Variants in SPEG observed in about 807,000 individuals in gnomAD.
SPEG encodes striated muscle preferentially expressed protein kinase.
SPEG carries 114 observed loss-of-function variants against 300.4 expected under a neutral mutation model. That is an observed-to-expected ratio of 0.38 (90% CI 0.33 to 0.44). SPEG has a LOEUF of 0.44. SPEG is among the 20% of genes least tolerant of loss of function. The pLI is 1.00. For missense variants in SPEG, 4,201 were observed against 4,586.2 expected, an observed-to-expected ratio of 0.92 and a Z score of 2.43; for synonymous variants, 1,964 against 2,018.9, an observed-to-expected ratio of 0.97 and a Z score of 0.73.
intron 1 of SPEG, 32 bp downstream of exon 1, chr2:219,435,397 G>T: frequency 1.3e-6 from 2 of 1,514,410 alleles, no homozygotes; most frequent in East Asian, 5.1e-5. Flanking sequence ...CGCCCGGCAG[G>T]GGCGGGGTGC....
chr2:219,460,765 C>T (rs1690607237), intron 6 of SPEG: 3 of 985,874 alleles, frequency 3.0e-6, no homozygotes, highest in Non-Finnish European at 3.6e-6. Context: ...GGCCTGCCAT[C>T]CAACCTCCTC....
In SPEG at chr2:219,479,672, C is replaced by T. The variant is rs181889155; in HGVS notation, c.5086-111C>T. The stretch of plus-strand genomic sequence containing the variant: ...CCCAAACCTGTTTCAGCCCCTTCCA[C>T]GAGCCATCTGAAGGCTACTCCACAG... On this transcript the variant is annotated intron_variant, in intron 23 of 40. Transcript: ENST00000312358. The surrounding 1 kb of genome is among the most constrained non-coding windows in gnomAD (Gnocchi z 5.5). The T allele has an allele frequency of 5.4e-4, 509 of 946,542 alleles. 2 individuals are homozygous for T. The African/African-American group carries it at 6.8e-3, about 13-fold the overall frequency. The allele number at this position is 946,542 out of a possible 1,614,324, so 58.6% of individuals were successfully genotyped here.
intron 1 of SPEG, chr2:219,442,152 G>T (rs1033837098): frequency 3.7e-5 from 38 of 1,026,500 alleles, no homozygotes; most frequent in Middle Eastern, 7.7e-4. Flanking sequence ...AGGGAGGGCG[G>T]GTCACCGCAG....
At position 219,490,570 on chromosome 2, in the gene SPEG, C is replaced by T; in HGVS notation, c.9083C>T (p.Ala3028Val). The T allele has an allele frequency of 1.9e-6, 3 of 1,614,024 alleles. No individual in the cohort carries two copies. Among genetic ancestry groups the T allele is most frequent in the Non-Finnish European group, 2.5e-6 (3 of 1,179,992 alleles). Residue 3028 changes from alanine (A) to valine (V), a missense_variant, in exon 37 of 41, where the codon GCC (alanine) becomes GTC (valine). Ala to Val is a moderately conservative substitution (Grantham distance 64, BLOSUM62 0). This residue lies in a region of SPEG where 318 missense variants were observed against 429.5 expected (regional missense o/e 0.74). Coordinates refer to ENST00000312358, the MANE Select transcript of SPEG (RefSeq NM_005876.5). ...GAGCGGATCATGTCCCTGCACGAGGCCTACATCACCCCTCGGTACCTCGTG... is the reference window on the plus strand; with the variant it reads ...GAGCGGATCATGTCCCTGCACGAGGTCTACATCACCCCTCGGTACCTCGTG... ...HHERIMSLHE[A>V]YITPRYLVLI...
rs2125554007 is a variant in SPEG, at chr2:219,483,552, G to A, written c.6089G>A (p.Arg2030Gln). ...CGGGCCGGGCCGCGGGAGCTGGGCC[G>A]GGGCCTGCACAAGGCGGCGTCTGTG... ...LPRAGPRELGRGLHKAASVEL... is the reference protein window; with the variant it reads ...LPRAGPRELGQGLHKAASVEL... The change falls in exon 30 of 41, where the codon CGG becomes CAG. Residue 2030 changes from arginine (R) to glutamine (Q), a missense_variant. By Grantham distance (43) the Arg-to-Gln change is conservative. Around this residue, in one of 4 missense-constraint regions of SPEG, gnomAD observed 1,578 missense variants for 1,506.0 expected, o/e 1.05. Transcript: ENST00000312358. 2 of 1,421,428 alleles carry A rather than the reference G, an allele frequency of 1.4e-6. No individual in the cohort carries two copies. Among genetic ancestry groups the A allele is most frequent in the Non-Finnish European group, 9.1e-7 (1 of 1,100,958 alleles). 88.1% of individuals were successfully genotyped at this position (1,421,428 alleles called of 1,614,324 possible).
chr2:219,456,671 A>C (rs1344064424), intron 6 of SPEG, among the ~76,000 whole-genome samples: 1 of 152,194 alleles, frequency 6.6e-6, no homozygotes, highest in Non-Finnish European at 1.5e-5. Context: ...GCACTTTGGG[A>C]GGCCAAGCAG....
chr2:219,481,485 C>A lies in SPEG; in HGVS notation c.5522+29C>A. 5.0e-6 allele frequency: 8 copies of A among 1,612,512 alleles called. No homozygotes were observed. Among genetic ancestry groups the A allele is most frequent in the Non-Finnish European group, 6.8e-6 (8 of 1,178,870 alleles). On this transcript the variant is annotated intron_variant, in intron 27 of 40. Coordinates refer to ENST00000312358, the MANE Select transcript of SPEG (RefSeq NM_005876.5). The surrounding 1 kb of genome is among the most constrained non-coding windows in gnomAD (Gnocchi z 5.4). ...AGTACAAGGCCCTGGGAGCCCCCAC[C>A]TGCAGGGTCACCCTCATACCACCTG...
rs1239274565 is a variant in SPEG, at chr2:219,490,446, G to A, written c.8959G>A (p.Ala2987Thr). 1 of 1,612,958 alleles carries A rather than the reference G, an allele frequency of 6.2e-7. No homozygotes were observed. Among genetic ancestry groups the A allele is most frequent in the East Asian group, 2.2e-5 (1 of 44,888 alleles). Residue 2987 changes from alanine to threonine, a missense_variant, in exon 37 of 41, where the codon GCC (alanine) becomes ACC (threonine). Ala to Thr is a moderately conservative substitution (Grantham distance 58). This residue lies in a region of SPEG where 318 missense variants were observed against 429.5 expected (regional missense o/e 0.74). Coordinates refer to ENST00000312358, the MANE Select transcript of SPEG (RefSeq NM_005876.5). ...FGVVRACREN[A>T]TGRTFVAKIV... is the part of the protein sequence containing the mutation. ...TGTTGTGCGAGCGTGCCGGGAGAAT[G>A]CCACGGGGCGAACGTTCGTGGCCAA...
Position 219,480,835 on chromosome 2 carries a change from G to T in SPEG, c.5369+138G>T. Reference sequence around the variant, plus strand: ...CAAGGAGCCTCATGTGCATGAAGGTGGACACCCCTGTCTGCATGCCCACAC... The same window carrying T: ...CAAGGAGCCTCATGTGCATGAAGGTTGACACCCCTGTCTGCATGCCCACAC... On this transcript the variant is annotated intron_variant, in intron 26 of 40. Coordinates refer to ENST00000312358, the MANE Select transcript of SPEG (RefSeq NM_005876.5). The surrounding 1 kb of genome is among the most constrained non-coding windows in gnomAD (Gnocchi z 5.3). 1.2e-6 allele frequency: 1 copy of T among 819,374 alleles called. No homozygotes were observed. Among genetic ancestry groups the T allele is most frequent in the Non-Finnish European group, 2.0e-6 (1 of 487,852 alleles). 50.8% of individuals were successfully genotyped at this position (819,374 alleles called of 1,614,324 possible). A position where few individuals can be genotyped will look rare whatever the true frequency, so the allele number is the denominator to read the frequency against.
In SPEG at chr2:219,483,267, T is replaced by G; in HGVS notation, c.5804T>G (p.Val1935Gly). The change falls in exon 30 of 41, where the codon GTG becomes GGG. Residue 1935 changes from valine (V) to glycine (G), a missense_variant. Val to Gly is a moderately radical substitution (Grantham distance 109, BLOSUM62 -3). Transcript: ENST00000312358. ...EEEELEELPS[V>G]PRPLQPEFSG... ...GAAGAGCTGGAAGAGCTGCCCTCAGTGCCCCGCCCACTGCAGCCCGAGTTC... is the reference window on the plus strand; with the variant it reads ...GAAGAGCTGGAAGAGCTGCCCTCAGGGCCCCGCCCACTGCAGCCCGAGTTC... 1 of 1,609,172 alleles carries G rather than the reference T, an allele frequency of 6.2e-7. No individual in the cohort carries two copies. The highest frequency in any genetic ancestry group is 8.5e-7 in the Non-Finnish European group (1 of 1,178,170).
chr2:219,483,065 C>A, intron 29 of SPEG, 33 bp from the exon 30 acceptor site: 1 of 1,581,800 alleles, frequency 6.3e-7, no homozygotes. Context: ...CCCCAGGGGT[C>A]CCTCAGGTCT....
rs893999042 is a variant in SPEG at position 219,490,943 on chromosome 2, G to C, written c.9372G>C (p.Thr3124=). Residue 3124 remains threonine (T), a synonymous_variant, in exon 38 of 41, where the codon ACG becomes ACC. Coordinates refer to ENST00000312358, the MANE Select transcript of SPEG (RefSeq NM_005876.5). ...GGCCCCTTGGCCACCGCACGGGCAC[G>C]CTGGAGTTCATGGGTGAGGGGACCA... ...ALRPLGHRTG[T]LEFMAPEMVK... is the part of the protein sequence containing the mutation. 6.2e-7 allele frequency: 1 copy of C among 1,612,412 alleles called. No homozygotes were observed.
chr2:219,443,734 A>G lies in SPEG; in HGVS notation c.389-919A>G. 1.2e-5 allele frequency: 4 copies of G among 345,290 alleles called. No individual in the cohort carries two copies. Among genetic ancestry groups the G allele is most frequent in the South Asian group, 8.7e-5 (4 of 46,000 alleles). The allele number at this position is 345,290 out of a possible 1,614,324, so 21.4% of individuals were successfully genotyped here. The stretch of plus-strand genomic sequence containing the variant: ...AGGCCCAGGTCTGCGGCTGGACTGG[A>G]CACAAGCAGGTGTGTGTGTGTGTGT... On this transcript the variant is annotated intron_variant, in intron 1 of 40. Transcript: ENST00000312358. The surrounding 1 kb of genome is among the most constrained non-coding windows in gnomAD (Gnocchi z 4.6).
Position 219,464,044 on chromosome 2 carries a change from C to G in SPEG, c.2706-389C>G, listed in dbSNP as rs1049673729. 6.6e-6 allele frequency among the ~76,000 whole-genome samples: 1 copy of G among 151,434 alleles called. No homozygotes were observed. Among genetic ancestry groups the G allele is most frequent in the East Asian group, 1.9e-4 (1 of 5,144 alleles). On this transcript the variant is annotated intron_variant, in intron 8 of 40. Transcript: ENST00000312358. This position sits in a 1 kb window ranked among gnomAD's most constrained non-coding sequence, Gnocchi z 4.5. ...GGCTGAGATGGGGAGATCGCTTGAGCCTGGGGAGGTAGAAGCTGCAGTGAG... is the reference window on the plus strand; with the variant it reads ...GGCTGAGATGGGGAGATCGCTTGAGGCTGGGGAGGTAGAAGCTGCAGTGAG...
rs1174326852 is a variant in SPEG, at chr2:219,493,465, CT to C, written c.*680del. ...TGGCCCAAGGATGTCCCCACTGCCCCTCCATGGCCTCTGGCCTTCTTCCCAT... is the reference window on the plus strand; with the variant it reads ...TGGCCCAAGGATGTCCCCACTGCCCCCCATGGCCTCTGGCCTTCTTCCCAT... On this transcript the variant is annotated 3_prime_UTR_variant, in exon 41 of 41. Coordinates refer to ENST00000312358, the MANE Select transcript of SPEG (RefSeq NM_005876.5). 9.2e-6 allele frequency: 4 copies of C among 436,516 alleles called. No homozygotes were observed. Among genetic ancestry groups the C allele is most frequent in the African/African-American group, 8.0e-5 (4 of 49,812 alleles). 27.0% of individuals were successfully genotyped at this position (436,516 alleles called of 1,614,324 possible).
chr2:219,447,223 C>T (rs1055429813), intron 3 of SPEG, among the ~76,000 whole-genome samples: 4 of 150,190 alleles, frequency 2.7e-5, no homozygotes, highest in African/African-American at 9.8e-5. Flanking sequence ...TGGGGGGGGG[C>T]CTTCTGTACT....
rs764337238 is a variant in SPEG at position 219,484,240 on chromosome 2, GGGCCCCTCGCA to G, written c.6780_6790del (p.Ser2262CysfsTer57). ...CCCTCCAGCTGTCAGGCCACGCCCA[GGGCCCCTCGCA>G]GGGCCCTGCCGCGCCGCCTTCAGAG... On this transcript the variant is annotated frameshift_variant, in exon 30 of 41. Transcript: ENST00000312358. LOFTEE classifies it high-confidence loss of function. 30 of 1,611,466 alleles carry G rather than the reference GGGCCCCTCGCA, an allele frequency of 1.9e-5. No individual in the cohort carries two copies. The highest frequency in any genetic ancestry group is 2.5e-5 in the Non-Finnish European group (30 of 1,179,874).
At chr2:219,455,008 C>G (rs990935187) in intron 6 of SPEG, among the ~76,000 whole-genome samples, 3 of 152,200 alleles carry the variant, frequency 2.0e-5, no homozygotes, top group Non-Finnish European at 1.5e-5. Flanking sequence ...ACAGGAGAAT[C>G]ACTTGAACCC....
At position 219,469,200 on chromosome 2, in the gene SPEG, A is replaced by G; in HGVS notation, c.3536A>G (p.Gln1179Arg). The G allele has an allele frequency of 1.2e-6, 2 of 1,613,698 alleles. No individual in the cohort carries two copies. The highest frequency in any genetic ancestry group is 1.7e-6 in the Non-Finnish European group (2 of 1,179,772). The change falls in exon 13 of 41, where the codon CAG becomes CGG. Residue 1179 changes from glutamine (Q) to arginine (R), a missense_variant. Physicochemically the swap from Gln to Arg is conservative, Grantham distance 43 (BLOSUM62 1). Around this residue, in one of 4 missense-constraint regions of SPEG, gnomAD observed 1,047 missense variants for 1,356.8 expected, o/e 0.77. Transcript: ENST00000312358. ...CCATCCATTCCCGAGGAGCCAGAGC[A>G]GGGTGAGCTGGAGCGGCTGTCCATT... ...KMPSIPEEPE[Q>R]GELERLSIPD...
Sources: allele counts gnomAD v4.1 joint callset (sites outside exome capture counted in the v4.1 genomes callset), GRCh38; gene constraint gnomAD v4.1.1; regional missense constraint gnomAD v4.1.1; non-coding constraint Gnocchi (gnomAD v3.1); transcripts MANE v1.5; gene names NCBI Gene and HGNC (gene_info 2026-07-23, HGNC 2026-07-21).